GPX6: variants seen among roughly 807,000 people sequenced by gnomAD.
The protein encoded by GPX6 is glutathione peroxidase 6 (olfactory).
A neutral mutation model predicts 20.0 loss-of-function variants in GPX6; 21 were observed. The observed-to-expected ratio is 1.05, with a 90% confidence interval of 0.74 to 1.51. GPX6 has a LOEUF of 1.51. Among genes scored for constraint, GPX6 ranks in the 40% most tolerant of loss-of-function variants. The probability of loss-of-function intolerance (pLI) is 0.00; values close to 1 mark genes in which losing one functional copy is unlikely to be tolerated. For synonymous variants in GPX6, 75 were observed against 98.0 expected, an observed-to-expected ratio of 0.77 and a Z score of 1.38; for missense variants, 233 against 254.7, an observed-to-expected ratio of 0.91 and a Z score of 0.58.
At chr6:28,513,949 C>A (rs1467926560) in intron 1 of GPX6, among the ~76,000 whole-genome samples, 1 of 152,030 alleles carries the variant, frequency 6.6e-6, no homozygotes, top group South Asian at 2.1e-4. Flanking sequence ...AGGGGCAAGC[C>A]CTTTCAAGTC....
intron 4 of GPX6, 56 bp downstream of exon 4, chr6:28,505,647 A>T: frequency 7.2e-7 from 1 of 1,387,380 alleles, no homozygotes; most frequent in Non-Finnish European, 1.0e-6. Context: ...CATGAGCCCC[A>T]CTGCTTTCAG....
intron 1 of GPX6, among the ~76,000 whole-genome samples, chr6:28,511,558 C>A (rs1295695618): frequency 6.6e-6 from 1 of 152,262 alleles, no homozygotes; most frequent in Non-Finnish European, 1.5e-5. Flanking sequence ...AACTCTGAGA[C>A]CCTAGCAGCC....
intron 1 of GPX6, among the ~76,000 whole-genome samples, chr6:28,513,555 T>G (rs531923311): frequency 6.6e-6 from 1 of 152,218 alleles, no homozygotes; most frequent in South Asian, 2.1e-4. Flanking sequence ...ACCCACTTCT[T>G]TATATTGTGG....
chr6:28,507,315 T>C (rs1313362050), intron 2 of GPX6, among the ~76,000 whole-genome samples: 1 of 152,228 alleles, frequency 6.6e-6, no homozygotes, highest in East Asian at 1.9e-4. Flanking sequence ...TTTTCTATAG[T>C]TCTTCGGTTG....
chr6:28,515,516 C>T (rs1763008943), intron 1 of GPX6, 141 bp downstream of exon 1: 1 of 662,496 alleles, frequency 1.5e-6, no homozygotes. Context: ...CTAAGGATAG[C>T]AATGTCAGGA....
intron 1 of GPX6, among the ~76,000 whole-genome samples, chr6:28,511,157 A>G (rs1045719696): frequency 1.1e-4 from 16 of 152,300 alleles, no homozygotes; most frequent in Admixed American, 7.8e-4. Flanking sequence ...TTTCCAGAAG[A>G]TTAATAACAT....
At chr6:28,513,013 T>C (rs552417400) in intron 1 of GPX6, among the ~76,000 whole-genome samples, 3 of 151,470 alleles carry the variant, frequency 2.0e-5, no homozygotes, top group Admixed American at 1.3e-4. Context: ...TTGAAGTCAG[T>C]GAGGCCAAAA....
intron 2 of GPX6, 134 bp from the exon 3 acceptor site, chr6:28,506,563 G>T: frequency 3.5e-6 from 2 of 568,748 alleles, no homozygotes; most frequent in Non-Finnish European, 6.3e-6. Context: ...AGGTTACAGA[G>T]ATCAAAGGAG....
rs566597159 is a variant in GPX6, at chr6:28,513,901, TCTC to T, written c.87+1753_87+1755del. 1.1e-3 allele frequency among the ~76,000 whole-genome samples: 172 copies of T among 152,272 alleles called. 1 individual carries two copies. Among genetic ancestry groups the T allele is most frequent in the Non-Finnish European group, 1.9e-3 (130 of 68,024 alleles). On this transcript the variant is annotated intron_variant, in intron 1 of 4. Coordinates refer to ENST00000361902, the MANE Select transcript of GPX6 (RefSeq NM_182701.1). ...GTTACCACGACACAAGGCCACAGCTTCTCCTTCATTATCCTTGGAGAGAAGGAG... is the reference window on the plus strand; with the variant it reads ...GTTACCACGACACAAGGCCACAGCTTCTTCATTATCCTTGGAGAGAAGGAG...
rs145988839 is a variant in GPX6, at chr6:28,513,105, G to GA, written c.88-2202dup. On this transcript the variant is annotated intron_variant, in intron 1 of 4. Transcript: ENST00000361902. ...ACATGGAGTTTGGCCGGGCTCCAGG[G>GA]AAAAACCATCTCTCTTTTGGCTCCC... Among the ~76,000 whole-genome samples the GA allele has an allele frequency of 3.2e-4, 49 of 152,308 alleles. 1 individual carries two copies. The East Asian group carries it at 9.5e-3, about 29-fold the overall frequency.
chr6:28,510,990 C>A, intron 1 of GPX6, 86 bp from the exon 2 acceptor site: 2 of 1,170,890 alleles, frequency 1.7e-6, no homozygotes, highest in Non-Finnish European at 2.4e-6. Flanking sequence ...ACTCGAAGAC[C>A]CTTCATGTAA....
chr6:28,504,396 C>T lies in GPX6; in HGVS notation c.562G>A (p.Val188Met), dbSNP rs370778325. The T allele has an allele frequency of 1.2e-6, 2 of 1,614,038 alleles. No homozygotes were observed. Among genetic ancestry groups the T allele is most frequent in the African/African-American group, 2.7e-5 (2 of 74,912 alleles). ...ATGACAGGGACTCCATCGGGCCCCA[C>T]CAGAAATTTCTCAAAGTTCCAGCGG... ...DIRWNFEKFL[V>M]GPDGVPVMHW... Residue 188 changes from valine to methionine, a missense_variant, in exon 5 of 5, where the codon GTG becomes ATG. By Grantham distance (21) the Val-to-Met change is conservative. Transcript: ENST00000361902.
intron 2 of GPX6, 134 bp downstream of exon 2, chr6:28,510,617 C>T: frequency 1.3e-6 from 1 of 761,526 alleles, no homozygotes. Context: ...GCAGGAGCAG[C>T]ATTTAGGGAG....
chr6:28,505,709 G>A lies in GPX6; in HGVS notation c.453C>T (p.Phe151=). ...CAGGTTTATACTCATGCACCTTCAGGAAAGTAAAGACCTTCTGTTCTTTTT... is the reference window on the plus strand; with the variant it reads ...CAGGTTTATACTCATGCACCTTCAGAAAAGTAAAGACCTTCTGTTCTTTTT... ...NGEKEQKVFT[F]LKNSCPPTSD... The change falls in exon 4 of 5, where the codon TTC becomes TTT. Residue 151 remains phenylalanine, a synonymous_variant. Coordinates refer to ENST00000361902, the MANE Select transcript of GPX6 (RefSeq NM_182701.1). 2 of 1,613,074 alleles carry A rather than the reference G, an allele frequency of 1.2e-6. No homozygotes were observed. Among genetic ancestry groups the A allele is most frequent in the Non-Finnish European group, 1.7e-6 (2 of 1,179,076 alleles).
chr6:28,508,679 C>A (rs1055922980), intron 2 of GPX6, among the ~76,000 whole-genome samples: 1 of 151,426 alleles, frequency 6.6e-6, no homozygotes. Flanking sequence ...AGGTGATATG[C>A]ACCTGTAGTC....
rs56155284 is a variant in GPX6 at position 28,506,706 on chromosome 6, A to AACACACACACACACAC, written c.242-293_242-278dup. On this transcript the variant is annotated intron_variant, in intron 2 of 4. Coordinates refer to ENST00000361902, the MANE Select transcript of GPX6 (RefSeq NM_182701.1). ...ATGAGAACTCTTATTTTTTTTTTTA[A>AACACACACACACACAC]ACACACACACACACACACACACACA... is the stretch of plus-strand genomic sequence containing the variant. Among the ~76,000 whole-genome samples, 826 of 145,156 alleles carry AACACACACACACACAC rather than the reference A, an allele frequency of 5.7e-3. 12 individuals are homozygous for AACACACACACACACAC. Among genetic ancestry groups the AACACACACACACACAC allele is most frequent in the African/African-American group, 0.018 (689 of 38,836 alleles).
Position 28,515,746 on chromosome 6 carries a change from C to G in GPX6, c.-3G>C, listed in dbSNP as rs1341964265. 1.2e-6 allele frequency: 2 copies of G among 1,613,402 alleles called. No homozygotes were observed. Among genetic ancestry groups the G allele is most frequent in the Non-Finnish European group, 1.7e-6 (2 of 1,179,418 alleles). ...GAGGCCTGGAACTGCTGGAACATGG[C>G]TAGGAGTTTTAGACGACTCTGAGGT... is the stretch of plus-strand genomic sequence containing the variant. On this transcript the variant is annotated 5_prime_UTR_variant, in exon 1 of 5. Coordinates refer to ENST00000361902, the MANE Select transcript of GPX6 (RefSeq NM_182701.1).
chr6:28,511,953 C>A (rs55968110), intron 1 of GPX6, among the ~76,000 whole-genome samples: 7,183 of 152,326 alleles, frequency 0.047, 339 homozygotes, highest in East Asian at 0.26. Flanking sequence ...CGGCCCCGGG[C>A]ACTGAGGAGC....
Position 28,504,310 on chromosome 6 carries a change from C to T in GPX6, c.648G>A (p.Lys216=). The change falls in exon 5 of 5, where the codon AAG becomes AAA. Residue 216 remains lysine (K), a synonymous_variant. Coordinates refer to ENST00000361902, the MANE Select transcript of GPX6 (RefSeq NM_182701.1). ...TVKSDILEYL[K]QFNTH is the part of the protein sequence containing the mutation. ...GCCCTTCCTAGTGGGTATTGAACTG[C>T]TTTAGGTACTCCAGGATGTCTGACT... 2 of 1,614,150 alleles carry T rather than the reference C, an allele frequency of 1.2e-6. No homozygotes were observed. The highest frequency in any genetic ancestry group is 1.1e-5 in the South Asian group (1 of 91,084).
Sources: gnomAD v4.1 joint callset for allele counts (sites outside exome capture counted in the v4.1 genomes callset) on GRCh38, gnomAD v4.1.1 for gene constraint, MANE v1.5 for transcripts, NCBI Gene and HGNC (gene_info 2026-07-23, HGNC 2026-07-21) for gene names.